Variants in FSIP1 observed in about 807,000 individuals in gnomAD.
FSIP1 encodes fibrous sheath-interacting protein 1.
A neutral mutation model predicts 60.9 loss-of-function variants in FSIP1; 65 were observed. The observed-to-expected ratio is 1.07, with a 90% CI of 0.87 to 1.31. FSIP1 has a LOEUF of 1.31. Among genes scored for constraint, FSIP1 ranks in the 40% most tolerant of loss-of-function variants. The pLI is 0.00. For missense variants in FSIP1, 675 were observed against 665.5 expected, an observed-to-expected ratio of 1.01 and a Z score of -0.16; for synonymous variants, 209 against 221.2, an observed-to-expected ratio of 0.94 and a Z score of 0.49.
intron 5 of FSIP1, among the ~76,000 whole-genome samples, chr15:39,755,227 G>C (rs1461743863): frequency 6.6e-6 from 1 of 151,912 alleles, no homozygotes; most frequent in Non-Finnish European, 1.5e-5. Flanking sequence ...ATGGAATGAC[G>C]AACAAACCAA....
chr15:39,666,554 T>G (rs1003318923), intron 10 of FSIP1, among the ~76,000 whole-genome samples: 5 of 152,190 alleles, frequency 3.3e-5, no homozygotes, highest in African/African-American at 1.2e-4. Context: ...GTAAATAGTT[T>G]CAAAATAAAA....
chr15:39,686,020 T>A (rs1218160858), intron 10 of FSIP1, among the ~76,000 whole-genome samples: 2 of 152,198 alleles, frequency 1.3e-5, no homozygotes, highest in African/African-American at 4.8e-5. Flanking sequence ...AGCTGTCCAG[T>A]TAACAAAACT....
chr15:39,720,875 T>A (rs1043946280), intron 9 of FSIP1, among the ~76,000 whole-genome samples: 1 of 152,212 alleles, frequency 6.6e-6, no homozygotes, highest in African/African-American at 2.4e-5. Flanking sequence ...GTTCTCTTGC[T>A]AAGACAAAAT....
At chr15:39,650,761 A>G (rs573125049) in intron 10 of FSIP1, among the ~76,000 whole-genome samples, 1 of 152,350 alleles carries the variant, frequency 6.6e-6, no homozygotes, top group Non-Finnish European at 1.5e-5. Flanking sequence ...GTACAATCCT[A>G]TAAAGGTAAG....
At chr15:39,747,110 T>C (rs182834184) in intron 5 of FSIP1, among the ~76,000 whole-genome samples, 1 of 151,774 alleles carries the variant, frequency 6.6e-6, no homozygotes, top group Admixed American at 6.6e-5. Context: ...AATGCTCATT[T>C]TCTTGTCTTC....
intron 10 of FSIP1, among the ~76,000 whole-genome samples, chr15:39,658,251 A>ATTTTTTTTTTT (rs71132110): frequency 1.9e-5 from 2 of 105,290 alleles, no homozygotes. Flanking sequence ...AGCAGACATG[A>ATTTTTTTTTTT]TTTTTTTTTT....
At chr15:39,702,233 T>C (rs1007065692) in intron 10 of FSIP1, among the ~76,000 whole-genome samples, 2 of 150,818 alleles carry the variant, frequency 1.3e-5, no homozygotes, top group Admixed American at 6.6e-5. Flanking sequence ...TTACCCTGTC[T>C]TGGGCTCTGT....
At chr15:39,642,404 A>T (rs1335008858) in intron 10 of FSIP1, among the ~76,000 whole-genome samples, 1 of 152,196 alleles carries the variant, frequency 6.6e-6, no homozygotes, top group African/African-American at 2.4e-5. Flanking sequence ...CAGGGCTGAC[A>T]TACATGAGTG....
intron 9 of FSIP1, among the ~76,000 whole-genome samples, chr15:39,721,126 T>C (rs2171309): frequency 0.12 from 18,099 of 152,220 alleles, 1,318 homozygotes; most frequent in African/African-American, 0.2. Flanking sequence ...ACTTCTTATC[T>C]GCCCTTTTCA....
intron 5 of FSIP1, among the ~76,000 whole-genome samples, chr15:39,743,918 C>T (rs554883786): frequency 6.6e-6 from 1 of 152,110 alleles, no homozygotes; most frequent in African/African-American, 2.4e-5. Flanking sequence ...TTCAAAAATG[C>T]CTGTGTCATA....
intron 10 of FSIP1, among the ~76,000 whole-genome samples, chr15:39,656,296 A>G (rs1206512671): frequency 6.6e-6 from 1 of 152,258 alleles, no homozygotes; most frequent in Non-Finnish European, 1.5e-5. Context: ...ACAATTTACA[A>G]AGTTAAGTTG....
chr15:39,780,307 A>T (rs1313907538), intron 1 of FSIP1, among the ~76,000 whole-genome samples: 1 of 152,154 alleles, frequency 6.6e-6, no homozygotes, highest in Non-Finnish European at 1.5e-5. Flanking sequence ...GCAGATCACG[A>T]GGTCAGGAGG....
Position 39,713,680 on chromosome 15 carries a change from TCAAA to T in FSIP1, c.1051-103_1051-100del, listed in dbSNP as rs1374696774. On this transcript the variant is annotated intron_variant, in intron 9 of 11. Coordinates refer to ENST00000350221, the MANE Select transcript of FSIP1 (RefSeq NM_152597.5). ...GAGCCTTGAGGGTTAGCTTTGCTTC[TCAAA>T]CAATTATTTCTTCCCTTCAAAACAA... 4 of 1,087,546 alleles carry T rather than the reference TCAAA, an allele frequency of 3.7e-6. No homozygotes were observed. The African/African-American group carries it at 4.8e-5, about 13-fold the overall frequency. 67.4% of individuals were successfully genotyped at this position (1,087,546 alleles called of 1,614,324 possible).
At chr15:39,661,470 A>C (rs1392155099) in intron 10 of FSIP1, among the ~76,000 whole-genome samples, 3 of 152,234 alleles carry the variant, frequency 2.0e-5, no homozygotes, top group Non-Finnish European at 4.4e-5. Flanking sequence ...TTTTTATACT[A>C]GGACCTAATA....
At chr15:39,751,827 G>A (rs1897173114) in intron 5 of FSIP1, among the ~76,000 whole-genome samples, 2 of 152,106 alleles carry the variant, frequency 1.3e-5, no homozygotes, top group South Asian at 4.1e-4. Flanking sequence ...CATGATGGGG[G>A]TTTGGGGAGA....
At chr15:39,622,277 T>C (rs747672166) in intron 10 of FSIP1, among the ~76,000 whole-genome samples, 1 of 152,200 alleles carries the variant, frequency 6.6e-6, no homozygotes, top group Non-Finnish European at 1.5e-5. Context: ...AAACTCAACA[T>C]AGTGCATCTC....
chr15:39,780,382 G>A (rs1011107902), intron 1 of FSIP1, among the ~76,000 whole-genome samples: 3 of 152,094 alleles, frequency 2.0e-5, no homozygotes, highest in East Asian at 1.9e-4. Flanking sequence ...AAAATTAGCC[G>A]GGAGTGGTGA....
intron 10 of FSIP1, among the ~76,000 whole-genome samples, chr15:39,659,450 G>A (rs926707032): frequency 1.3e-5 from 2 of 151,702 alleles, no homozygotes; most frequent in Non-Finnish European, 1.5e-5. Flanking sequence ...GCTGAGGCAG[G>A]AGAATGGCGT....
At chr15:39,745,469 G>C (rs1209282935) in intron 5 of FSIP1, among the ~76,000 whole-genome samples, 1 of 152,160 alleles carries the variant, frequency 6.6e-6, no homozygotes, top group Non-Finnish European at 1.5e-5. Flanking sequence ...TGGGCTATAA[G>C]TACATTTCAG....
Sources: gnomAD v4.1 joint callset for allele counts (sites outside exome capture counted in the v4.1 genomes callset) on GRCh38, gnomAD v4.1.1 for gene constraint, MANE v1.5 for transcripts, NCBI Gene and HGNC (gene_info 2026-07-23, HGNC 2026-07-21) for gene names.